CAPN8: variants seen among roughly 807,000 people sequenced by gnomAD.
CAPN8 encodes the protein calpain-8.
CAPN8 carries 87 observed loss-of-function variants against 80.9 expected under a neutral mutation model. That is an observed-to-expected ratio of 1.07 (90% CI 0.90 to 1.28). CAPN8 has a LOEUF of 1.28. CAPN8 is among the 50% of genes most tolerant of loss of function. CAPN8 has a pLI of 0.00. For missense variants in CAPN8, 757 were observed against 702.0 expected, an observed-to-expected ratio of 1.08 and a Z score of -0.89; for synonymous variants, 299 against 273.8, an observed-to-expected ratio of 1.09 and a Z score of -0.91.
chr1:223,622,346 C>T (rs1657423479), intron 7 of CAPN8, among the ~76,000 whole-genome samples: 1 of 152,150 alleles, frequency 6.6e-6, no homozygotes, highest in Admixed American at 6.5e-5. Context: ...GGAGCGAGTG[C>T]CGCTGCCTCA....
chr1:223,656,681 G>GTT (rs1216588980), intron 1 of CAPN8, among the ~76,000 whole-genome samples: 2 of 85,036 alleles, frequency 2.4e-5, no homozygotes, highest in African/African-American at 3.9e-5. Flanking sequence ...TTTTTGTTTT[G>GTT]TTTTTTTTTT....
In CAPN8 at chr1:223,619,393, CG is replaced by C; in HGVS notation, c.1034del (p.Pro345ArgfsTer4). 6.4e-7 allele frequency: 1 copy of C among 1,551,612 alleles called. No homozygotes were observed. Among genetic ancestry groups the C allele is most frequent in the Non-Finnish European group, 8.7e-7 (1 of 1,146,984 alleles). The part of the protein sequence containing the change: ...FSRLEICNLS[P>X]DSLSSEEVHK... ...GCACCTCCTCGCTACTCAGAGAGTC[CG>C]GGGACAGGTTGCAGATCTCCAACCG... On this transcript the variant is annotated frameshift_variant, in exon 9 of 21. Coordinates refer to ENST00000366872, the MANE Select transcript of CAPN8 (RefSeq NM_001143962.2). LOFTEE classifies it high-confidence loss of function.
chr1:223,617,289 G>GT (rs1296560161), intron 9 of CAPN8: 1 of 149,006 alleles, frequency 6.7e-6, no homozygotes, highest in African/African-American at 2.5e-5. Flanking sequence ...TTGGGGGGGG[G>GT]GGTTGTTTGT....
intron 6 of CAPN8, among the ~76,000 whole-genome samples, chr1:223,623,411 T>G (rs78169989): frequency 6.6e-6 from 1 of 152,178 alleles, no homozygotes; most frequent in East Asian, 1.9e-4. Flanking sequence ...AGAAGTTACA[T>G]TATCCGAGAT....
intron 5 of CAPN8, among the ~76,000 whole-genome samples, chr1:223,626,256 G>A (rs1016179411): frequency 6.6e-6 from 1 of 152,048 alleles, no homozygotes; most frequent in African/African-American, 2.4e-5. Context: ...CTCCCTGAGT[G>A]GACTCCTCAT....
In CAPN8 at chr1:223,619,309, G is replaced by GC. The variant is rs1442930156; in HGVS notation, c.1118dup (p.Cys374LeufsTer20). 3 of 1,551,688 alleles carry GC rather than the reference G, an allele frequency of 1.9e-6. No homozygotes were observed. The highest frequency in any genetic ancestry group is 1.7e-6 in the Non-Finnish European group (2 of 1,147,008). ...TCACCTTACCTGGGTAGTTCTGGCA[G>GC]CCCCCAGCTGTGGAGCCCCGGGTCC... On this transcript the variant is annotated frameshift_variant, in exon 9 of 21. Coordinates refer to ENST00000366872, the MANE Select transcript of CAPN8 (RefSeq NM_001143962.2). LOFTEE classifies it high-confidence loss of function.
At chr1:223,630,288 C>T (rs1657735831) in intron 2 of CAPN8, among the ~76,000 whole-genome samples, 1 of 138,072 alleles carries the variant, frequency 7.2e-6, no homozygotes, top group African/African-American at 2.6e-5. Context: ...CTCTCTCTCT[C>T]CCGCTCACTC....
intron 17 of CAPN8, 173 bp from the exon 18 acceptor site, chr1:223,545,023 C>T (rs573952339): frequency 7.1e-7 from 1 of 1,414,836 alleles, no homozygotes; most frequent in Admixed American, 2.4e-5. Flanking sequence ...CCAGTGCTGG[C>T]CCCTTTGCTG....
chr1:223,553,914 C>T lies in CAPN8; in HGVS notation c.1573-14G>A, dbSNP rs1656853683. 5.0e-6 allele frequency: 2 copies of T among 398,496 alleles called. No homozygotes were observed. Among genetic ancestry groups the T allele is most frequent in the Non-Finnish European group, 8.8e-6 (2 of 226,086 alleles). The allele number at this position is 398,496 out of a possible 1,614,324, so 24.7% of individuals were successfully genotyped here. A position where few individuals can be genotyped will look rare whatever the true frequency, so the allele number is the denominator to read the frequency against. ...ACTGGGATGTGGCTAAAAAGAAGGA[C>T]ATTTGCAAAGTTAAAATGGGAATCG... On this transcript the variant is annotated splice_polypyrimidine_tract_variant and intron_variant, in intron 13 of 20. Coordinates refer to ENST00000366872, the MANE Select transcript of CAPN8 (RefSeq NM_001143962.2).
In CAPN8 at chr1:223,628,644, C is replaced by CGG; in HGVS notation, c.426+17_426+18insCC. ...AATACGGAAAACAGCAACAAAGGGC[C>CGG]AGAGCAGAGCACAGTACCTGAAAGT... On this transcript the variant is annotated intron_variant, in intron 3 of 20. Coordinates refer to ENST00000366872, the MANE Select transcript of CAPN8 (RefSeq NM_001143962.2). 1 of 1,534,304 alleles carries CGG rather than the reference C, an allele frequency of 6.5e-7. No homozygotes were observed. Among genetic ancestry groups the CGG allele is most frequent in the East Asian group, 2.4e-5 (1 of 40,846 alleles).
At chr1:223,665,353 T>A in intron 1 of CAPN8, 57 bp downstream of exon 1, 1 of 1,395,680 alleles carries the variant, frequency 7.2e-7, no homozygotes, top group Non-Finnish European at 9.9e-7. Flanking sequence ...TTCCTCCTGA[T>A]CAGATGTAAG....
chr1:223,653,419 A>G lies in CAPN8; in HGVS notation c.307+911T>C, dbSNP rs565773727. ...GAAGAGAAAGGGCTTTCTTGGCTGC[A>G]ATAAGAAAGAATGAGAAAAAGAGAA... On this transcript the variant is annotated intron_variant, in intron 2 of 20. Coordinates refer to ENST00000366872, the MANE Select transcript of CAPN8 (RefSeq NM_001143962.2). Among the ~76,000 whole-genome samples the G allele has an allele frequency of 2.0e-4, 30 of 152,232 alleles. No individual in the cohort carries two copies. The South Asian group carries it at 4.6e-3, about 23-fold the overall frequency.
Position 223,640,730 on chromosome 1 carries a change from T to G in CAPN8, c.308-11950A>C, listed in dbSNP as rs143123632. Among the ~76,000 whole-genome samples, 604 of 152,278 alleles carry G rather than the reference T, an allele frequency of 4.0e-3. 5 individuals carry two copies. Among genetic ancestry groups the G allele is most frequent in the African/African-American group, 0.014 (571 of 41,540 alleles). ...ACCCTCTTTCTCCAAATAGTCATCATCCAGGAGCAGTAATTAGGAGGTTGC... is the reference window on the plus strand; with the variant it reads ...ACCCTCTTTCTCCAAATAGTCATCAGCCAGGAGCAGTAATTAGGAGGTTGC... On this transcript the variant is annotated intron_variant, in intron 2 of 20. Transcript: ENST00000366872.
At chr1:223,544,236 C>G in intron 18 of CAPN8, 53 bp from the exon 19 acceptor site, 1 of 707,596 alleles carries the variant, frequency 1.4e-6, no homozygotes, top group South Asian at 1.5e-5. Context: ...TCAGCACTGT[C>G]TCCCATAAAC....
chr1:223,649,127 A>G (rs1194266247), intron 2 of CAPN8, among the ~76,000 whole-genome samples: 1 of 152,248 alleles, frequency 6.6e-6, no homozygotes, highest in Non-Finnish European at 1.5e-5. Flanking sequence ...AGCAGCAAGC[A>G]TCAAATTTCA....
chr1:223,617,180 C>T (rs1264605265), intron 9 of CAPN8: 1 of 151,886 alleles, frequency 6.6e-6, no homozygotes, highest in African/African-American at 2.4e-5. Context: ...AATAACAAGG[C>T]ATTCACAGGT....
chr1:223,549,671 A>T, intron 15 of CAPN8: 1 of 531,528 alleles, frequency 1.9e-6, no homozygotes, highest in Non-Finnish European at 3.4e-6. Flanking sequence ...TTGAGCTTTA[A>T]TTTCCTCCTC....
intron 11 of CAPN8, among the ~76,000 whole-genome samples, chr1:223,609,684 A>G (rs1019358915): frequency 6.6e-6 from 1 of 152,072 alleles, no homozygotes; most frequent in Non-Finnish European, 1.5e-5. Context: ...TTTCCTCTCT[A>G]ATCCAATAGG....
At chr1:223,546,102 G>A (rs562516959) in intron 16 of CAPN8, among the ~76,000 whole-genome samples, 19 of 149,564 alleles carry the variant, frequency 1.3e-4, no homozygotes, top group African/African-American at 3.7e-4. Context: ...AAAGTGCCAC[G>A]ACTATTTTTT....
Sources: gnomAD v4.1 joint callset for allele counts (sites outside exome capture counted in the v4.1 genomes callset) on GRCh38, gnomAD v4.1.1 for gene constraint, MANE v1.5 for transcripts, NCBI Gene and HGNC (gene_info 2026-07-23, HGNC 2026-07-21) for gene names.